Variants in ZNF644 observed in about 807,000 individuals in gnomAD.
ZNF644 encodes zinc finger motif enhancer binding protein 2.
In ZNF644, 20 loss-of-function variants were observed where a neutral mutation model predicts 108.0. That is an observed-to-expected ratio of 0.19 (90% CI 0.13 to 0.27). ZNF644 has a LOEUF of 0.27. Among genes scored for constraint, ZNF644 ranks in the 10% least tolerant of loss-of-function variants. The probability of loss-of-function intolerance (pLI) is 1.00; values close to 1 mark genes in which losing one functional copy is unlikely to be tolerated. For missense variants in ZNF644, 1,338 were observed against 1,548.9 expected, an observed-to-expected ratio of 0.86 and a Z score of 2.29; for synonymous variants, 542 against 539.1, an observed-to-expected ratio of 1.01 and a Z score of -0.08.
chr1:90,976,400 T>C (rs746428642), intron 2 of ZNF644, among the ~76,000 whole-genome samples: 9 of 152,160 alleles, frequency 5.9e-5, no homozygotes, highest in South Asian at 2.1e-4. Flanking sequence ...CCTAGAATAT[T>C]AGATTTCAAT....
At chr1:90,967,476 A>C (rs1655025633) in intron 2 of ZNF644, among the ~76,000 whole-genome samples, 1 of 152,006 alleles carries the variant, frequency 6.6e-6, no homozygotes, top group Non-Finnish European at 1.5e-5. Flanking sequence ...AAACATAAAA[A>C]CCTTCCCTGT....
intron 1 of ZNF644, among the ~76,000 whole-genome samples, chr1:90,989,853 A>G (rs1363692925): frequency 2.0e-5 from 3 of 152,222 alleles, no homozygotes; most frequent in African/African-American, 7.2e-5. Flanking sequence ...TCTCAAAACG[A>G]TATTTACATG....
At chr1:90,960,725 C>G (rs1466626270) in intron 2 of ZNF644, among the ~76,000 whole-genome samples, 1 of 152,098 alleles carries the variant, frequency 6.6e-6, no homozygotes, top group African/African-American at 2.4e-5. Flanking sequence ...TAGTAAGACA[C>G]CCTAAAGCTC....
In ZNF644 at chr1:90,916,558, G is replaced by C. The variant is rs567418152; in HGVS notation, c.*240C>G. 39 of 517,614 alleles carry C rather than the reference G, an allele frequency of 7.5e-5. No individual in the cohort carries two copies. The East Asian group carries it at 1.4e-3, about 18-fold the overall frequency. The allele number at this position is 517,614 out of a possible 1,614,324, so 32.1% of individuals were successfully genotyped here. ...TGCTTACATGTACTGCTCTTTTACTGAGTGAACACAGTTAACCAACAAAAC... is the reference window on the plus strand; with the variant it reads ...TGCTTACATGTACTGCTCTTTTACTCAGTGAACACAGTTAACCAACAAAAC... On this transcript the variant is annotated 3_prime_UTR_variant, in exon 6 of 6. Coordinates refer to ENST00000337393, the MANE Select transcript of ZNF644 (RefSeq NM_201269.3).
chr1:90,932,797 T>C (rs1296534866), intron 4 of ZNF644, among the ~76,000 whole-genome samples: 1 of 152,140 alleles, frequency 6.6e-6, no homozygotes, highest in African/African-American at 2.4e-5. Context: ...AAAAAATGTT[T>C]CAGAATTTCC....
At chr1:91,012,572 G>A (rs1345117280) in intron 1 of ZNF644, among the ~76,000 whole-genome samples, 1 of 152,134 alleles carries the variant, frequency 6.6e-6, no homozygotes, top group Non-Finnish European at 1.5e-5. Flanking sequence ...TACTTCTGTA[G>A]GGAGAAATTA....
chr1:90,963,556 G>A (rs1654539938), intron 2 of ZNF644, among the ~76,000 whole-genome samples: 2 of 151,976 alleles, frequency 1.3e-5, no homozygotes, highest in Non-Finnish European at 2.9e-5. Context: ...GCATTATTCA[G>A]CCCAAACCTC....
At chr1:91,006,276 G>A (rs1659410155) in intron 1 of ZNF644, among the ~76,000 whole-genome samples, 1 of 152,150 alleles carries the variant, frequency 6.6e-6, no homozygotes. Flanking sequence ...ACGGCGGACA[G>A]CACCTGTAGT....
rs1293699733 is a variant in ZNF644, at chr1:90,971,305, C to CAA, written c.44+11003_44+11004dup. Reference sequence around the variant, plus strand: ...AAACCCATGACCATCACAATTGATGCAAAAAAAAAAAAAGACAAAATTCAA... The same window carrying CAA: ...AAACCCATGACCATCACAATTGATGCAAAAAAAAAAAAAAAGACAAAATTCAA... On this transcript the variant is annotated intron_variant, in intron 2 of 5. Transcript: ENST00000337393. 3.4e-3 allele frequency among the ~76,000 whole-genome samples: 410 copies of CAA among 120,728 alleles called. 4 individuals carry two copies. The highest frequency in any genetic ancestry group is 0.011 in the African/African-American group (370 of 32,556). The allele number at this position is 120,728 out of a possible 152,430, so 79.2% of individuals were successfully genotyped here.
At chr1:90,995,403 C>A (rs2101621783) in intron 1 of ZNF644, among the ~76,000 whole-genome samples, 1 of 152,138 alleles carries the variant, frequency 6.6e-6, no homozygotes, top group East Asian at 1.9e-4. Flanking sequence ...CAGTAGGACA[C>A]TATTAGGCAG....
rs762195019 is a variant in ZNF644, at chr1:90,937,607, G to A, written c.3566C>T (p.Ser1189Phe). The change falls in exon 4 of 6, where the codon TCT (serine) becomes TTT (phenylalanine). Residue 1189 changes from serine to phenylalanine, a missense_variant. By Grantham distance (155) the Ser-to-Phe change is radical. Coordinates refer to ENST00000337393, the MANE Select transcript of ZNF644 (RefSeq NM_201269.3). ...TGTCTGATTATGGATCTTTTGAGGA[G>A]AAATAGCAGAATTCCTTTCTTCTCC... ...RMGEERNSAISPQKIHNQTAR... is the reference protein window; with the variant it reads ...RMGEERNSAIFPQKIHNQTAR... The A allele has an allele frequency of 6.2e-6, 10 of 1,613,732 alleles. No homozygotes were observed. In the Admixed American group the frequency reaches 1.7e-4, roughly 27 times the overall value.
chr1:90,993,557 C>A (rs1557641255), intron 1 of ZNF644, among the ~76,000 whole-genome samples: 1 of 152,184 alleles, frequency 6.6e-6, no homozygotes, highest in Non-Finnish European at 1.5e-5. Flanking sequence ...GCAACTCTAT[C>A]TTAACAATAC....
Position 90,916,996 on chromosome 1 carries a change from G to C in ZNF644, c.3792-6C>G. 6.2e-7 allele frequency: 1 copy of C among 1,614,064 alleles called. No homozygotes were observed. Among genetic ancestry groups the C allele is most frequent in the Non-Finnish European group, 8.5e-7 (1 of 1,179,938 alleles). ...GAAAGACTAGGCCACAAAACCTACA[G>C]AAAGATAACAATTCTCTTAACATGA... On this transcript the variant is annotated splice_region_variant and splice_polypyrimidine_tract_variant and intron_variant, in intron 5 of 5. Transcript: ENST00000337393.
intron 1 of ZNF644, among the ~76,000 whole-genome samples, chr1:91,004,221 A>C (rs1298893310): frequency 2.1e-5 from 2 of 95,090 alleles, no homozygotes; most frequent in Non-Finnish European, 4.6e-5. Context: ...AAGCTCAAGG[A>C]ACTACACAGA....
At chr1:90,997,637 G>A (rs1658282527) in intron 1 of ZNF644, among the ~76,000 whole-genome samples, 1 of 152,182 alleles carries the variant, frequency 6.6e-6, no homozygotes, top group Admixed American at 6.5e-5. Flanking sequence ...GAGCGATGCA[G>A]AACACAGGTG....
At chr1:90,945,317 T>A (rs1346826837) in intron 2 of ZNF644, among the ~76,000 whole-genome samples, 1 of 152,030 alleles carries the variant, frequency 6.6e-6, no homozygotes, top group Non-Finnish European at 1.5e-5. Flanking sequence ...GTCTAAAAAA[T>A]TCACACACCT....
In ZNF644 at chr1:90,939,398, T is replaced by C. The variant is rs761142365; in HGVS notation, c.1956A>G (p.Pro652=). ...TLTKQQSTTF[P]KNSALKQDVK... ...CATCTTGTTTTAAAGCAGAGTTCTT[T>C]GGAAATGTGGTTGACTGTTGTTTAG... The change falls in exon 3 of 6, where the codon CCA becomes CCG. Residue 652 remains proline, a synonymous_variant. Coordinates refer to ENST00000337393, the MANE Select transcript of ZNF644 (RefSeq NM_201269.3). 2 of 1,614,018 alleles carry C rather than the reference T, an allele frequency of 1.2e-6. No individual in the cohort carries two copies. Among genetic ancestry groups the C allele is most frequent in the Non-Finnish European group, 1.7e-6 (2 of 1,179,954 alleles).
chr1:90,999,088 A>G (rs56305804), intron 1 of ZNF644, among the ~76,000 whole-genome samples: 1,932 of 152,332 alleles, frequency 0.013, 40 homozygotes, highest in African/African-American at 0.044. Context: ...TAAAGTGACA[A>G]GAAGAATGAA....
rs372870879 is a variant in ZNF644, at chr1:90,999,261, A to T, written c.-17-16891T>A. On this transcript the variant is annotated intron_variant, in intron 1 of 5. Coordinates refer to ENST00000337393, the MANE Select transcript of ZNF644 (RefSeq NM_201269.3). ...AATTGTCAGATTCACCAAAGTTGAA[A>T]TGAAGGAAAAATGTTAAGGGCAGCC... 4.7e-4 allele frequency among the ~76,000 whole-genome samples: 72 copies of T among 152,348 alleles called. 1 individual carries two copies. The East Asian group carries it at 7.5e-3, about 16-fold the overall frequency.
Sources: gnomAD v4.1 joint callset for allele counts (sites outside exome capture counted in the v4.1 genomes callset) on GRCh38, gnomAD v4.1.1 for gene constraint, MANE v1.5 for transcripts, NCBI Gene and HGNC (gene_info 2026-07-23, HGNC 2026-07-21) for gene names.